The following LAMA2 variants were observed in gnomAD, a reference collection of about 807,000 sequenced individuals.
LAMA2 encodes the protein laminin subunit alpha 2.
In LAMA2, 269 loss-of-function variants were observed where a neutral mutation model predicts 364.8. The observed-to-expected ratio is 0.74, with a 90% CI of 0.67 to 0.82. The LOEUF is 0.82. LAMA2 is among the 40% of genes least tolerant of loss of function. The pLI is 0.00. For missense variants in LAMA2, 3,807 were observed against 3,873.2 expected (o/e 0.98, Z 0.45); for synonymous variants, 1,379 against 1,370.6 (o/e 1.01, Z -0.14).
intron 1 of LAMA2, among the ~76,000 whole-genome samples, chr6:128,914,088 A>G (rs1289232388): frequency 6.6e-6 from 1 of 152,216 alleles, no homozygotes; most frequent in Admixed American, 6.5e-5. Flanking sequence ...GGTTATTAAC[A>G]GAAATTATTT....
At chr6:128,971,027 C>T (rs1582796023) in intron 1 of LAMA2, among the ~76,000 whole-genome samples, 1 of 152,316 alleles carries the variant, frequency 6.6e-6, no homozygotes, top group East Asian at 1.9e-4. Context: ...TCTTTTCCTG[C>T]TCCATGCCAG....
chr6:129,257,190 G>A (rs11966599), intron 14 of LAMA2, among the ~76,000 whole-genome samples: 40,081 of 151,778 alleles, frequency 0.26, 8,019 homozygotes, highest in African/African-American at 0.56. Flanking sequence ...GATATCAAGA[G>A]AATGACCATA....
intron 15 of LAMA2, among the ~76,000 whole-genome samples, chr6:129,265,568 G>A (rs1001756438): frequency 6.6e-6 from 1 of 152,018 alleles, no homozygotes; most frequent in African/African-American, 2.4e-5. Flanking sequence ...GGCAAAAAAT[G>A]TAATGGGGAG....
At chr6:129,098,550 T>C in intron 4 of LAMA2, 135 bp downstream of exon 4, 2 of 1,050,682 alleles carry the variant, frequency 1.9e-6, no homozygotes, top group Non-Finnish European at 2.8e-6. Context: ...TTAAATGAGT[T>C]ATTAAATAAA....
chr6:129,037,748 C>T (rs925445559), intron 1 of LAMA2, among the ~76,000 whole-genome samples: 1 of 151,116 alleles, frequency 6.6e-6, no homozygotes, highest in Non-Finnish European at 1.5e-5. Flanking sequence ...CTGCTCACTG[C>T]AAGCTCCGCC....
In LAMA2 at chr6:129,154,691, A is replaced by G. The variant is rs768835147; in HGVS notation, c.1206+8A>G. ...TTCTTCAGACCCAAAGGGGTAAAGT[A>G]TGCTTTTTCTTTCATAAAGAGTTAT... On this transcript the variant is annotated splice_region_variant and intron_variant, in intron 8 of 64. Coordinates refer to ENST00000421865, the MANE Select transcript of LAMA2 (RefSeq NM_000426.4). The G allele has an allele frequency of 1.4e-5, 23 of 1,610,184 alleles. No homozygotes were observed. The African/African-American group carries it at 2.7e-4, about 19-fold the overall frequency.
At chr6:129,364,238 C>T (rs1777634230) in intron 32 of LAMA2, among the ~76,000 whole-genome samples, 1 of 152,162 alleles carries the variant, frequency 6.6e-6, no homozygotes. Context: ...CACTCTCCGT[C>T]CTCCTTCTCT....
chr6:129,513,090 T>TAAAC (rs1786732374), intron 63 of LAMA2, among the ~76,000 whole-genome samples: 1 of 152,180 alleles, frequency 6.6e-6, no homozygotes, highest in African/African-American at 2.4e-5. Flanking sequence ...AGGCAGCAGG[T>TAAAC]AAACAGAGAA....
chr6:129,444,431 A>C lies in LAMA2; in HGVS notation c.6275-1236A>C, dbSNP rs138089106. 2.9e-3 allele frequency among the ~76,000 whole-genome samples: 436 copies of C among 152,320 alleles called. 3 individuals are homozygous for C. The highest frequency in any genetic ancestry group is 9.8e-3 in the African/African-American group (407 of 41,586). On this transcript the variant is annotated intron_variant, in intron 44 of 64. Transcript: ENST00000421865. ...ACAAACGGTTTATTAAAAGCATACA[A>C]AATAAAGGGATCACTGTGTTTATGC...
At position 129,465,156 on chromosome 6, in the gene LAMA2, G is replaced by A; in HGVS notation, c.7167G>A (p.Met2389Ile). The A allele has an allele frequency of 6.2e-7, 1 of 1,610,288 alleles. No individual in the cohort carries two copies. The highest frequency in any genetic ancestry group is 8.5e-7 in the Non-Finnish European group (1 of 1,177,132). The part of the protein sequence containing the change: ...YLATRDLRDF[M>I]SVELTDGHIK... ...TACTCTATTAATAGAGAGATTTCATGAGTGTGGAGCTCACTGATGGGCACA... is the reference window on the plus strand; with the variant it reads ...TACTCTATTAATAGAGAGATTTCATAAGTGTGGAGCTCACTGATGGGCACA... The change falls in exon 51 of 65, where the codon ATG (methionine) becomes ATA (isoleucine). Residue 2389 changes from methionine to isoleucine, a missense_variant. By Grantham distance (10) the Met-to-Ile change is conservative. Transcript: ENST00000421865.
At chr6:128,906,288 C>A (rs1364422347) in intron 1 of LAMA2, among the ~76,000 whole-genome samples, 1 of 98,026 alleles carries the variant, frequency 1.0e-5, no homozygotes, top group African/African-American at 4.1e-5. Context: ...ACATCCTCTC[C>A]AGCACCTGTT....
At chr6:129,487,598 G>A (rs909665277) in intron 56 of LAMA2, among the ~76,000 whole-genome samples, 3 of 152,184 alleles carry the variant, frequency 2.0e-5, no homozygotes, top group African/African-American at 4.8e-5. Flanking sequence ...CTATCCTGCA[G>A]TGAAAGACCT....
intron 64 of LAMA2, 109 bp from the exon 65 acceptor site, chr6:129,516,081 A>G: frequency 8.2e-7 from 1 of 1,226,798 alleles, no homozygotes; most frequent in Non-Finnish European, 1.2e-6. Flanking sequence ...AACTTTGCAT[A>G]AAACAGCATT....
At chr6:129,291,552 T>C in intron 19 of LAMA2, 62 bp from the exon 20 acceptor site, 1 of 1,142,202 alleles carries the variant, frequency 8.8e-7, no homozygotes, top group African/African-American at 1.5e-5. Context: ...TATTATTATT[T>C]AACAAGCCTA....
intron 8 of LAMA2, chr6:129,157,839 G>C: frequency 1.2e-6 from 2 of 1,613,976 alleles, no homozygotes; most frequent in Non-Finnish European, 8.5e-7. Context: ...GTAGATATCA[G>C]CCATGATGTA....
At chr6:128,938,912 T>G (rs1014160888) in intron 1 of LAMA2, among the ~76,000 whole-genome samples, 3 of 152,170 alleles carry the variant, frequency 2.0e-5, no homozygotes, top group African/African-American at 7.2e-5. Context: ...ACTTCACTCA[T>G]TTCCCTCCTT....
At chr6:129,298,795 A>G (rs936076308) in intron 21 of LAMA2, among the ~76,000 whole-genome samples, 2 of 152,126 alleles carry the variant, frequency 1.3e-5, no homozygotes, top group Admixed American at 6.5e-5. Context: ...GGATTTTACC[A>G]TAAATTAAGC....
At chr6:129,014,870 G>T (rs1046566762) in intron 1 of LAMA2, among the ~76,000 whole-genome samples, 1 of 151,746 alleles carries the variant, frequency 6.6e-6, no homozygotes, top group African/African-American at 2.4e-5. Flanking sequence ...AAGATATAAA[G>T]ATTATAAAAT....
chr6:129,096,612 C>T (rs182407350), intron 3 of LAMA2, among the ~76,000 whole-genome samples: 10 of 152,302 alleles, frequency 6.6e-5, no homozygotes, highest in African/African-American at 2.4e-4. Flanking sequence ...GCCCAGACCC[C>T]TCAGGACAAA....
Sources: allele counts gnomAD v4.1 joint callset (sites outside exome capture counted in the v4.1 genomes callset), GRCh38; gene constraint gnomAD v4.1.1; transcripts MANE v1.5; gene names NCBI Gene and HGNC (gene_info 2026-07-23, HGNC 2026-07-21).